The following ZZEF1 variants were observed in gnomAD, a reference collection of about 807,000 sequenced individuals.
ZZEF1 encodes the protein zinc finger ZZ-type and EF-hand domain containing 1.
A neutral mutation model predicts 342.8 loss-of-function variants in ZZEF1; 157 were observed. The ratio of observed to expected loss-of-function variants is 0.46; its 90% CI spans 0.40 to 0.52. The LOEUF is 0.52. Ranked by LOEUF, ZZEF1 falls within the 20% of genes least tolerant of loss-of-function variation. The pLI, the probability that ZZEF1 is intolerant of heterozygous loss-of-function variation, is 0.00. For missense variants in ZZEF1, 3,480 were observed against 3,725.6 expected, an observed-to-expected ratio of 0.93 and a Z score of 1.72; for synonymous variants, 1,505 against 1,429.1, an observed-to-expected ratio of 1.05 and a Z score of -1.20.
intron 39 of ZZEF1, among the ~76,000 whole-genome samples, chr17:4,035,804 C>T (rs998495760): frequency 1.3e-5 from 2 of 152,056 alleles, no homozygotes; most frequent in Non-Finnish European, 2.9e-5. Context: ...GAGACAGACC[C>T]AAGTGTGGTG....
chr17:4,130,980 AC>A (rs1218012943), intron 1 of ZZEF1, among the ~76,000 whole-genome samples: 2 of 152,190 alleles, frequency 1.3e-5, no homozygotes, highest in Non-Finnish European at 2.9e-5. Context: ...GAAAGTAGTG[AC>A]TGCCACATTC....
intron 3 of ZZEF1, 83 bp from the exon 4 acceptor site, chr17:4,114,553 T>TA (rs2058364011): frequency 8.7e-7 from 1 of 1,144,248 alleles, no homozygotes; most frequent in South Asian, 2.4e-5. Flanking sequence ...CTAACAGAAA[T>TA]ACGCTTGGTA....
chr17:4,123,252 T>G (rs2058513874), intron 2 of ZZEF1, among the ~76,000 whole-genome samples: 1 of 129,862 alleles, frequency 7.7e-6, no homozygotes, highest in African/African-American at 2.8e-5. Context: ...ATTTATACAT[T>G]AGAATTTATC....
At chr17:4,081,969 C>G (rs1017600369) in intron 17 of ZZEF1, among the ~76,000 whole-genome samples, 3 of 152,192 alleles carry the variant, frequency 2.0e-5, no homozygotes, top group African/African-American at 7.2e-5. Flanking sequence ...GATATTAGTT[C>G]CCTTCCTCCT....
chr17:4,024,908 C>G lies in ZZEF1; in HGVS notation c.7092+11G>C. ...CCAGATCCACTGCCAACTGGAGAAG[C>G]TCCCCATTACCTTTAGTGTTTTATA... On this transcript the variant is annotated intron_variant, in intron 43 of 54. Transcript: ENST00000381638. 1 of 1,613,862 alleles carries G rather than the reference C, an allele frequency of 6.2e-7. No homozygotes were observed.
rs573299031 is a variant in ZZEF1, at chr17:4,140,596, G to T, written c.354+1946C>A. On this transcript the variant is annotated intron_variant, in intron 1 of 54. Transcript: ENST00000381638. Reference sequence around the variant, plus strand: ...CTCGATATACGCCCAATAAACATTTGCTCAGTGAACAATAATGCCACAACC... The same window carrying T: ...CTCGATATACGCCCAATAAACATTTTCTCAGTGAACAATAATGCCACAACC... 3.3e-5 allele frequency among the ~76,000 whole-genome samples: 5 copies of T among 152,246 alleles called. No homozygotes were observed. The South Asian group carries it at 1.0e-3, about 32-fold the overall frequency.
intron 37 of ZZEF1, 42 bp from the exon 38 acceptor site, chr17:4,044,416 C>T (rs1241874833): frequency 1.3e-6 from 2 of 1,563,278 alleles, no homozygotes; most frequent in Non-Finnish European, 1.7e-6. Context: ...TTTCTTATAA[C>T]AAAGTTTGCT....
intron 45 of ZZEF1, among the ~76,000 whole-genome samples, chr17:4,020,786 T>G (rs1420479706): frequency 6.6e-6 from 1 of 152,236 alleles, no homozygotes; most frequent in African/African-American, 2.4e-5. Flanking sequence ...TGAGAAACTA[T>G]GAGGAAGGAA....
At chr17:4,034,754 T>C (rs2056624132) in intron 39 of ZZEF1, among the ~76,000 whole-genome samples, 1 of 152,208 alleles carries the variant, frequency 6.6e-6, no homozygotes, top group Non-Finnish European at 1.5e-5. Flanking sequence ...CCCAGCACTC[T>C]GGGAGGCCAA....
chr17:4,098,076 T>C (rs951655266), intron 9 of ZZEF1, among the ~76,000 whole-genome samples: 19 of 151,588 alleles, frequency 1.3e-4, no homozygotes, highest in African/African-American at 4.4e-4. Flanking sequence ...CCATCTTTAC[T>C]AAAAACACAA....
intron 31 of ZZEF1, among the ~76,000 whole-genome samples, chr17:4,058,469 G>A (rs919454038): frequency 1.3e-5 from 2 of 152,204 alleles, no homozygotes; most frequent in African/African-American, 2.4e-5. Context: ...AATTAGCCAA[G>A]GTTATGCAGT....
At chr17:4,122,691 G>C (rs1335290782) in intron 2 of ZZEF1, among the ~76,000 whole-genome samples, 1 of 151,486 alleles carries the variant, frequency 6.6e-6, no homozygotes, top group Non-Finnish European at 1.5e-5. Context: ...CGCCGGCATT[G>C]CTTAATTTTA....
Position 4,019,807 on chromosome 17 carries a change from C to T in ZZEF1, c.7405-38G>A, listed in dbSNP as rs1460177439. ...GGAGGACGCAGACAAGAACCATTAA[C>T]AGTGCTTCAATACGGTATTGATCAA... On this transcript the variant is annotated intron_variant, in intron 45 of 54. Transcript: ENST00000381638. 3 of 1,507,620 alleles carry T rather than the reference C, an allele frequency of 2.0e-6. No individual in the cohort carries two copies. The African/African-American group carries it at 4.2e-5, about 21-fold the overall frequency. The allele number at this position is 1,507,620 out of a possible 1,614,324, so 93.4% of individuals were successfully genotyped here.
intron 2 of ZZEF1, 123 bp from the exon 3 acceptor site, chr17:4,117,289 T>A: frequency 1.4e-6 from 1 of 726,070 alleles, no homozygotes. Context: ...TCATTGATAT[T>A]TTCAGTTTTA....
At position 4,019,679 on chromosome 17, in the gene ZZEF1, C is replaced by A; in HGVS notation, c.7495G>T (p.Val2499Phe). 1 of 1,612,760 alleles carries A rather than the reference C, an allele frequency of 6.2e-7. No homozygotes were observed. Among genetic ancestry groups the A allele is most frequent in the East Asian group, 2.2e-5 (1 of 44,778 alleles). ...MKKTDYFFLE[V>F]QKRFDGDELT... ...GGAAATGTCCCTTACCTCTTCTGAA[C>A]CTCCAGGAAGAAATAATCGGTCTTT... Residue 2499 changes from valine to phenylalanine, a missense_variant, in exon 46 of 55, where the codon GTT (valine) becomes TTT (phenylalanine). Coordinates refer to ENST00000381638, the MANE Select transcript of ZZEF1 (RefSeq NM_015113.4).
chr17:4,018,745 G>A (rs2056183987), intron 46 of ZZEF1, among the ~76,000 whole-genome samples: 1 of 152,200 alleles, frequency 6.6e-6, no homozygotes, highest in African/African-American at 2.4e-5. Context: ...ATGGTTAGCA[G>A]CTAGATGTGC....
chr17:4,060,681 C>T (rs1391423874), intron 30 of ZZEF1, among the ~76,000 whole-genome samples: 1 of 150,514 alleles, frequency 6.6e-6, no homozygotes, highest in African/African-American at 2.4e-5. Context: ...TCCTTCCATT[C>T]TCTCTGATGA....
At chr17:4,022,953 A>C in intron 43 of ZZEF1, 125 bp from the exon 44 acceptor site, 1 of 1,313,782 alleles carries the variant, frequency 7.6e-7, no homozygotes, top group Non-Finnish European at 1.0e-6. Flanking sequence ...CTTTTGAATG[A>C]AGCCTATTTT....
intron 2 of ZZEF1, among the ~76,000 whole-genome samples, chr17:4,118,515 A>G (rs1377854513): frequency 6.6e-6 from 1 of 152,190 alleles, no homozygotes; most frequent in Non-Finnish European, 1.5e-5. Context: ...AGATCTGCTG[A>G]GTCATATGAC....
Sources: gnomAD v4.1 joint callset for allele counts (sites outside exome capture counted in the v4.1 genomes callset) on GRCh38, gnomAD v4.1.1 for gene constraint, MANE v1.5 for transcripts, NCBI Gene and HGNC (gene_info 2026-07-23, HGNC 2026-07-21) for gene names.